ZNF536: variants seen among roughly 807,000 people sequenced by gnomAD.
The protein encoded by ZNF536 is zinc finger protein 536.
ZNF536 carries 13 observed loss-of-function variants against 84.5 expected under a neutral mutation model. The ratio of observed to expected loss-of-function variants is 0.15; its 90% CI spans 0.10 to 0.24. The LOEUF is 0.24. Ranked by LOEUF, ZNF536 falls within the 10% of genes least tolerant of loss-of-function variation. ZNF536 has a pLI of 1.00. For missense variants in ZNF536, 1,536 were observed against 1,747.5 expected (o/e 0.88, Z 2.16); for synonymous variants, 811 against 742.5 (o/e 1.09, Z -1.50).
At chr19:30,461,506 G>A (rs1218634505) in intron 2 of ZNF536, among the ~76,000 whole-genome samples, 2 of 152,160 alleles carry the variant, frequency 1.3e-5, no homozygotes, top group Non-Finnish European at 2.9e-5. Flanking sequence ...TGTCTGATGG[G>A]ACCCCCCTGA....
At chr19:30,576,545 A>T (rs970263606) in intron 1 of ZNF536, among the ~76,000 whole-genome samples, 2 of 152,120 alleles carry the variant, frequency 1.3e-5, no homozygotes, top group African/African-American at 4.8e-5. Flanking sequence ...GAAGCTGCAG[A>T]TAGGCTGTGC....
At chr19:30,385,683 G>C (rs541513213) in intron 1 of ZNF536, among the ~76,000 whole-genome samples, 1 of 152,168 alleles carries the variant, frequency 6.6e-6, no homozygotes, top group African/African-American at 2.4e-5. Flanking sequence ...CCACCCCTGC[G>C]TCTTGGCTTT....
At chr19:30,348,646 A>G (rs927752186) in intron 2 of ZNF536, among the ~76,000 whole-genome samples, 1 of 152,180 alleles carries the variant, frequency 6.6e-6, no homozygotes, top group Non-Finnish European at 1.5e-5. Context: ...ATGAAAGGGC[A>G]AGGAGAGGTT....
chr19:30,581,738 C>A (rs921297215), intron 1 of ZNF536, among the ~76,000 whole-genome samples: 1 of 152,030 alleles, frequency 6.6e-6, no homozygotes, highest in Non-Finnish European at 1.5e-5. Flanking sequence ...GAGTTCAAGA[C>A]CAGCCTGGCC....
In ZNF536 at chr19:30,410,690, G is replaced by A. The variant is rs371427876; in HGVS notation, c.-2-32871G>A. On this transcript the variant is annotated intron_variant, in intron 1 of 4. Transcript: ENST00000355537. ...AGACGGGGTTTCACCGTGTTAGCCA[G>A]GATGGTCTCGATCTCCTGACCTCGT... 1.5e-3 allele frequency among the ~76,000 whole-genome samples: 222 copies of A among 152,096 alleles called. 1 individual carries two copies. Among genetic ancestry groups the A allele is most frequent in the African/African-American group, 5.0e-3 (206 of 41,406 alleles).
intron 1 of ZNF536, among the ~76,000 whole-genome samples, chr19:30,237,165 C>A (rs1007177008): frequency 6.6e-5 from 10 of 152,034 alleles, no homozygotes; most frequent in African/African-American, 2.4e-4. Context: ...AACTTTTTCT[C>A]CCTTTGCATG....
intron 2 of ZNF536, among the ~76,000 whole-genome samples, chr19:30,287,406 G>A (rs2045671581): frequency 6.6e-6 from 1 of 151,552 alleles, no homozygotes; most frequent in Admixed American, 6.6e-5. Context: ...TAAATGAATG[G>A]ATGGATGGAT....
At chr19:30,490,581 C>T (rs974175975) in intron 2 of ZNF536, among the ~76,000 whole-genome samples, 1 of 152,114 alleles carries the variant, frequency 6.6e-6, no homozygotes, top group African/African-American at 2.4e-5. Flanking sequence ...GATAAAGAAA[C>T]TTCCATGCTG....
At chr19:30,462,717 G>A (rs2053198606) in intron 2 of ZNF536, among the ~76,000 whole-genome samples, 1 of 151,914 alleles carries the variant, frequency 6.6e-6, no homozygotes, top group Non-Finnish European at 1.5e-5. Context: ...TGTGATGGGT[G>A]TATCCATATG....
At chr19:30,455,332 G>C (rs139248562) in intron 2 of ZNF536, among the ~76,000 whole-genome samples, 92 of 152,164 alleles carry the variant, frequency 6.0e-4, no homozygotes, top group African/African-American at 2.2e-3. Context: ...ATAGATTTTA[G>C]GGTACCTGTG....
intron 2 of ZNF536, among the ~76,000 whole-genome samples, chr19:30,291,103 G>A (rs1223022695): frequency 6.6e-6 from 1 of 152,162 alleles, no homozygotes; most frequent in East Asian, 1.9e-4. Context: ...GGGCATTTTG[G>A]TTGGTTCCAA....
At chr19:30,270,538 G>A (rs2025770241) in intron 1 of ZNF536, among the ~76,000 whole-genome samples, 1 of 152,200 alleles carries the variant, frequency 6.6e-6, no homozygotes, top group Non-Finnish European at 1.5e-5. Flanking sequence ...AGCTCAAGGA[G>A]ACAATTAGCA....
chr19:30,264,966 T>TGTGA (rs59889852), intron 1 of ZNF536, among the ~76,000 whole-genome samples: 78 of 133,854 alleles, frequency 5.8e-4, no homozygotes, highest in Admixed American at 1.9e-3. Context: ...TGTGTGTGTG[T>TGTGA]GAGAGAGAGA....
chr19:30,400,408 C>G (rs766964237), intron 1 of ZNF536, among the ~76,000 whole-genome samples: 1 of 152,130 alleles, frequency 6.6e-6, no homozygotes, highest in Non-Finnish European at 1.5e-5. Flanking sequence ...TCATTTTGAA[C>G]AGAATTTTAA....
chr19:30,644,567 CCA>C (rs2049394416), intron 1 of ZNF536, among the ~76,000 whole-genome samples: 1 of 152,082 alleles, frequency 6.6e-6, no homozygotes, highest in Admixed American at 6.6e-5. Context: ...CTTCCTGTGT[CCA>C]TGTGTTCTCA....
At chr19:30,565,609 G>T (rs148855643) in intron 1 of ZNF536, among the ~76,000 whole-genome samples, 27 of 152,282 alleles carry the variant, frequency 1.8e-4, no homozygotes, top group Admixed American at 3.9e-4. Context: ...ATTGCATGTG[G>T]TGAAGTTTGG....
At chr19:30,422,323 C>T (rs778296493) in intron 1 of ZNF536, among the ~76,000 whole-genome samples, 4 of 152,028 alleles carry the variant, frequency 2.6e-5, no homozygotes, top group Non-Finnish European at 4.4e-5. Context: ...CAGAAAGATC[C>T]CAAGATAGAG....
chr19:30,237,782 T>TG (rs1780018994), intron 1 of ZNF536, among the ~76,000 whole-genome samples: 1 of 152,118 alleles, frequency 6.6e-6, no homozygotes, highest in Non-Finnish European at 1.5e-5. Context: ...GTTCTTTTTT[T>TG]TTTTGCATAA....
chr19:30,678,551 A>T (rs1054414837), intron 1 of ZNF536, among the ~76,000 whole-genome samples: 2 of 152,180 alleles, frequency 1.3e-5, no homozygotes, highest in African/African-American at 4.8e-5. Flanking sequence ...TGCTCACAGC[A>T]TCTTGACAGA....
Sources: allele counts gnomAD v4.1 joint callset (sites outside exome capture counted in the v4.1 genomes callset), GRCh38; gene constraint gnomAD v4.1.1; transcripts MANE v1.5; gene names NCBI Gene and HGNC (gene_info 2026-07-23, HGNC 2026-07-21).